ZNF420: variants seen among roughly 807,000 people sequenced by gnomAD.
ZNF420 encodes the protein zinc finger protein 420.
ZNF420 carries 31 observed loss-of-function variants against 44.7 expected under a neutral mutation model. That is an observed-to-expected ratio of 0.69 (90% CI 0.52 to 0.94). ZNF420 has a LOEUF of 0.94. ZNF420 is among the 40% of genes least tolerant of loss of function. The pLI, the probability that ZNF420 is intolerant of heterozygous loss-of-function variation, is 0.00. For synonymous variants in ZNF420, 245 were observed against 267.4 expected (o/e 0.92, Z 0.82); for missense variants, 681 against 827.9 (o/e 0.82, Z 2.18).
intron 1 of ZNF420, among the ~76,000 whole-genome samples, chr19:37,039,735 C>T (rs1162274794): frequency 6.7e-6 from 1 of 149,754 alleles, no homozygotes; most frequent in Non-Finnish European, 1.5e-5. Flanking sequence ...CGGTCTCACT[C>T]TGTTGCCCAG....
intron 4 of ZNF420, among the ~76,000 whole-genome samples, chr19:37,100,803 T>G (rs1264271347): frequency 6.6e-6 from 1 of 152,206 alleles, no homozygotes; most frequent in African/African-American, 2.4e-5. Flanking sequence ...GCAGTGTCAT[T>G]GGTGGTATTT....
At chr19:37,100,493 A>G (rs1455075637) in intron 4 of ZNF420, among the ~76,000 whole-genome samples, 2 of 152,236 alleles carry the variant, frequency 1.3e-5, no homozygotes, top group East Asian at 3.9e-4. Context: ...CAGGTGGATC[A>G]CCTGAGGCCA....
chr19:37,008,220 G>A (rs1305031647), intron 1 of ZNF420: 36 of 306,822 alleles, frequency 1.2e-4, no homozygotes, highest in South Asian at 7.0e-4. Flanking sequence ...GGGGCGGGCG[G>A]GGGGGGATGT....
intron 1 of ZNF420, among the ~76,000 whole-genome samples, chr19:37,021,290 G>A (rs2562590): frequency 0.024 from 3,680 of 152,012 alleles, 161 homozygotes; most frequent in African/African-American, 0.084. Context: ...TTTTTGAAAC[G>A]AAGTTTCACT....
intron 2 of ZNF420, among the ~76,000 whole-genome samples, chr19:37,083,730 T>C (rs967291451): frequency 6.6e-6 from 1 of 152,204 alleles, no homozygotes; most frequent in African/African-American, 2.4e-5. Flanking sequence ...GCTCATTTTG[T>C]ACAATTTCCT....
chr19:37,101,586 C>G (rs948997735), intron 4 of ZNF420, among the ~76,000 whole-genome samples: 1 of 152,252 alleles, frequency 6.6e-6, no homozygotes, highest in Non-Finnish European at 1.5e-5. Context: ...TCTAAGCAGA[C>G]TATCTATCTG....
chr19:37,051,461 G>T (rs981632623), intron 1 of ZNF420, among the ~76,000 whole-genome samples: 4 of 152,178 alleles, frequency 2.6e-5, no homozygotes, highest in Admixed American at 6.5e-5. Context: ...GGGCGTATGT[G>T]TTGAGGAATT....
intron 1 of ZNF420, among the ~76,000 whole-genome samples, chr19:37,069,476 T>C (rs1418190806): frequency 6.6e-6 from 1 of 152,114 alleles, no homozygotes; most frequent in Non-Finnish European, 1.5e-5. Flanking sequence ...GTTGAAAATA[T>C]CATTAAGTCA....
At chr19:37,056,067 TCTCTCTGTCTCTCA>T (rs545369365) in intron 1 of ZNF420, among the ~76,000 whole-genome samples, 358 of 151,634 alleles carry the variant, frequency 2.4e-3, no homozygotes, top group South Asian at 0.011. Flanking sequence ...TTCTCTCTTC[TCTCTCTGTCTCTCA>T]CTCTCTGTCT....
chr19:37,017,032 T>C (rs2074613689), intron 1 of ZNF420, among the ~76,000 whole-genome samples: 1 of 152,208 alleles, frequency 6.6e-6, no homozygotes, highest in South Asian at 2.1e-4. Flanking sequence ...TGTGGGGGGA[T>C]ATGAGCAGGT....
intron 4 of ZNF420, among the ~76,000 whole-genome samples, chr19:37,125,566 G>A (rs150157286): frequency 5.3e-5 from 8 of 152,228 alleles, no homozygotes; most frequent in African/African-American, 1.4e-4. Context: ...GAAGTATGAC[G>A]GTGGGTGGAT....
Position 37,087,295 on chromosome 19 carries a change from A to AT in ZNF420, c.-80-1744_-80-1743insT, listed in dbSNP as rs1470928558. 2.8e-3 allele frequency among the ~76,000 whole-genome samples: 186 copies of AT among 65,344 alleles called. 1 individual carries two copies. Among genetic ancestry groups the AT allele is most frequent in the Middle Eastern group, 7.5e-3 (1 of 134 alleles). 42.9% of individuals were successfully genotyped at this position (65,344 alleles called of 152,430 possible). ...GAGACCCTGTCTCAAAAAAAAAAAT[A>AT]AATAAATAAATAAATAAATAAATAA... is the stretch of plus-strand genomic sequence containing the variant. On this transcript the variant is annotated intron_variant, in intron 2 of 4. Transcript: ENST00000337995.
chr19:37,126,351 T>C (rs1316740210), intron 4 of ZNF420, among the ~76,000 whole-genome samples: 2 of 152,128 alleles, frequency 1.3e-5, no homozygotes, highest in Non-Finnish European at 2.9e-5. Flanking sequence ...GGTCTGTGAC[T>C]TTTTCAGAGT....
rs1971423799 is a variant in ZNF420, at chr19:37,127,568, A to G, written c.577A>G (p.Lys193Glu). 1 of 1,613,966 alleles carries G rather than the reference A, an allele frequency of 6.2e-7. No individual in the cohort carries two copies. Among genetic ancestry groups the G allele is most frequent in the South Asian group, 1.1e-5 (1 of 91,076 alleles). The change falls in exon 5 of 5, where the codon AAA becomes GAA. Residue 193 changes from lysine (K) to glutamate (E), a missense_variant. Physicochemically the swap from Lys to Glu is moderately conservative, Grantham distance 56. Transcript: ENST00000337995. ...SLHQRLHTGE[K>E]PYACKECGKA... is the part of the protein sequence containing the mutation. ...TCATCAGAGACTTCATACTGGTGAG[A>G]AACCCTATGCATGTAAGGAATGTGG...
At chr19:37,037,648 A>G (rs1365273566) in intron 1 of ZNF420, among the ~76,000 whole-genome samples, 1 of 152,190 alleles carries the variant, frequency 6.6e-6, no homozygotes, top group Non-Finnish European at 1.5e-5. Flanking sequence ...CAGTTCGGGA[A>G]GACTTTCCGG....
Position 37,089,147 on chromosome 19 carries a change from T to G in ZNF420, c.9+20T>G. The stretch of plus-strand genomic sequence containing the variant: ...GCTCGGGTAAATTGGAGTTTCCTTG[T>G]GCTCTTTTCACTTACTTTTTTACAG... On this transcript the variant is annotated intron_variant, in intron 3 of 4. Transcript: ENST00000337995. 1 of 1,608,922 alleles carries G rather than the reference T, an allele frequency of 6.2e-7. No individual in the cohort carries two copies. The highest frequency in any genetic ancestry group is 8.5e-7 in the Non-Finnish European group (1 of 1,175,274).
intron 4 of ZNF420, among the ~76,000 whole-genome samples, chr19:37,094,957 C>T (rs1374617375): frequency 6.6e-6 from 1 of 151,952 alleles, no homozygotes; most frequent in Non-Finnish European, 1.5e-5. Flanking sequence ...ATGATGAAAT[C>T]CCATCTCTAC....
chr19:37,080,043 G>T (rs1355632844), intron 1 of ZNF420, among the ~76,000 whole-genome samples: 2 of 152,108 alleles, frequency 1.3e-5, no homozygotes, highest in Admixed American at 6.5e-5. Flanking sequence ...GACTCCAGGA[G>T]TGGGAATAGT....
chr19:37,072,114 T>C (rs760309990), intron 1 of ZNF420, among the ~76,000 whole-genome samples: 8 of 152,234 alleles, frequency 5.3e-5, no homozygotes, highest in Non-Finnish European at 8.8e-5. Context: ...GGTTTCATTC[T>C]ACCTGATTCT....
Sources: allele counts gnomAD v4.1 joint callset (sites outside exome capture counted in the v4.1 genomes callset), GRCh38; gene constraint gnomAD v4.1.1; transcripts MANE v1.5; gene names NCBI Gene and HGNC (gene_info 2026-07-23, HGNC 2026-07-21).